Variants in LDLRAD4 observed in about 807,000 individuals in gnomAD.
LDLRAD4 encodes the protein low-density lipoprotein receptor class A domain-containing protein 4.
Under a neutral mutation model 17.0 loss-of-function variants are expected in LDLRAD4, and 5 were observed. The observed-to-expected ratio is 0.29, with a 90% CI of 0.15 to 0.62. The LOEUF (loss-of-function observed/expected upper bound fraction) is 0.62, where lower values mean the gene tolerates loss of function less well. Ranked by LOEUF, LDLRAD4 falls within the 20% of genes least tolerant of loss-of-function variation. The pLI is 0.84. For synonymous variants in LDLRAD4, 168 were observed against 171.8 expected, an observed-to-expected ratio of 0.98 and a Z score of 0.17; for missense variants, 340 against 424.7, an observed-to-expected ratio of 0.80 and a Z score of 1.75.
intron 3 of LDLRAD4, among the ~76,000 whole-genome samples, chr18:13,585,762 C>T (rs1055257344): frequency 4.6e-5 from 7 of 152,062 alleles, no homozygotes; most frequent in African/African-American, 1.7e-4. Flanking sequence ...CACAAACTGG[C>T]GTTGTGTGGA....
intron 3 of LDLRAD4, chr18:13,519,993 T>C (rs1310789032): frequency 6.6e-6 from 1 of 152,226 alleles, no homozygotes; most frequent in African/African-American, 2.4e-5. Context: ...AAATATGCAC[T>C]AGCTACAGGT....
chr18:13,415,392 A>G (rs901461543), intron 2 of LDLRAD4, among the ~76,000 whole-genome samples: 4 of 151,940 alleles, frequency 2.6e-5, no homozygotes, highest in Non-Finnish European at 4.4e-5. Context: ...TCTATAGCAC[A>G]TAGTGCGCCT....
At chr18:13,620,874 T>A in intron 3 of LDLRAD4, 2 of 573,462 alleles carry the variant, frequency 3.5e-6, no homozygotes, top group Admixed American at 3.0e-5. Flanking sequence ...CGTTCTCAGC[T>A]CCCTGTGGTG....
intron 3 of LDLRAD4, among the ~76,000 whole-genome samples, chr18:13,565,319 G>A (rs2094586205): frequency 6.6e-6 from 1 of 152,238 alleles, no homozygotes; most frequent in Admixed American, 6.5e-5. Context: ...GACAGCCCCT[G>A]TGACGGGCCT....
At chr18:13,549,615 G>A (rs1294101213) in intron 3 of LDLRAD4, among the ~76,000 whole-genome samples, 1 of 151,708 alleles carries the variant, frequency 6.6e-6, no homozygotes. Context: ...TAGAAAGGCC[G>A]TGGCTACCAA....
intron 2 of LDLRAD4, among the ~76,000 whole-genome samples, chr18:13,408,404 T>C (rs557363246): frequency 1.4e-5 from 2 of 147,010 alleles, no homozygotes; most frequent in Non-Finnish European, 3.0e-5. Flanking sequence ...GTGAGAGAGA[T>C]AGAGTAGTAG....
chr18:13,612,558 C>T (rs1343456093), intron 3 of LDLRAD4: 1 of 1,443,496 alleles, frequency 6.9e-7, no homozygotes, highest in African/African-American at 1.5e-5. Flanking sequence ...CCCCCCCCCT[C>T]CACGCTCACA....
At position 13,522,626 on chromosome 18, in the gene LDLRAD4, G is replaced by C. The variant is rs562592583; in HGVS notation, c.181+84242G>C. ...AACAGTCTTTGTCCTGTGTCATCCA[G>C]GTAGAAGCTTACATGCTACAAAAAA... On this transcript the variant is annotated intron_variant, in intron 3 of 5. Transcript: ENST00000359446. 4.6e-5 allele frequency: 7 copies of C among 152,002 alleles called. No individual in the cohort carries two copies. In the East Asian group the frequency reaches 1.4e-3, roughly 29 times the overall value. The allele number at this position is 152,002 out of a possible 1,614,324, so 9.4% of individuals were successfully genotyped here.
exon 6 of LDLRAD4, chr18:13,649,709 C>T (rs2043165452): frequency 1.8e-5 from 4 of 222,046 alleles, no homozygotes; most frequent in Non-Finnish European, 3.5e-5. Context: ...GTGTACCATT[C>T]ATTTTTTAAA....
At chr18:13,224,506 G>T (rs1324940219) in intron 1 of LDLRAD4, among the ~76,000 whole-genome samples, 1 of 132,816 alleles carries the variant, frequency 7.5e-6, no homozygotes, top group African/African-American at 2.8e-5. Context: ...TTGAGACGGA[G>T]TCTCGCTCTG....
At chr18:13,616,274 A>C (rs2040071399) in intron 3 of LDLRAD4, 1 of 146,648 alleles carries the variant, frequency 6.8e-6, no homozygotes, top group African/African-American at 2.6e-5. Context: ...GTTGCCACAC[A>C]CCCCCTCGTG....
At chr18:13,438,177 G>A (rs1419400659) in intron 2 of LDLRAD4, 67 bp from the exon 4 acceptor site, 12 of 1,475,650 alleles carry the variant, frequency 8.1e-6, no homozygotes, top group Admixed American at 1.7e-5. Flanking sequence ...AAAAACCAAC[G>A]ACAGTCACAG....
At chr18:13,381,956 C>T (rs1471612000) in intron 1 of LDLRAD4, among the ~76,000 whole-genome samples, 1 of 152,356 alleles carries the variant, frequency 6.6e-6, no homozygotes, top group Non-Finnish European at 1.5e-5. Context: ...GCGTTCCTTT[C>T]TCCCTGGAAC....
Position 13,645,299 on chromosome 18 carries a change from C to T in LDLRAD4, c.563C>T (p.Thr188Ile), listed in dbSNP as rs777740641. The T allele has an allele frequency of 1.2e-6, 2 of 1,614,234 alleles. No homozygotes were observed. The highest frequency in any genetic ancestry group is 1.7e-6 in the Non-Finnish European group (2 of 1,180,038). Residue 188 changes from threonine (T) to isoleucine (I), a missense_variant, in exon 6 of 6, where the codon ACC becomes ATC. Thr to Ile is a moderately conservative substitution (Grantham distance 89). Coordinates refer to ENST00000359446, the Ensembl canonical transcript of LDLRAD4. The surrounding 1 kb of genome is among the most constrained non-coding windows in gnomAD (Gnocchi z 5.7). ...CCACCTCCTTACCAGGGGCCCTGCA[C>T]CCTGCAGCTCCGGGACCCTGAACAG... is the stretch of plus-strand genomic sequence containing the variant.
At chr18:13,262,116 G>A (rs969554119) in intron 1 of LDLRAD4, among the ~76,000 whole-genome samples, 1 of 113,202 alleles carries the variant, frequency 8.8e-6, no homozygotes, top group African/African-American at 3.2e-5. Context: ...ACTGAGTCCC[G>A]TGCAGCTCTG....
intron 3 of LDLRAD4, among the ~76,000 whole-genome samples, chr18:13,541,393 G>A: frequency 6.6e-6 from 1 of 152,212 alleles, no homozygotes; most frequent in Non-Finnish European, 1.5e-5. Flanking sequence ...ATACTGTTCA[G>A]TGGAAAACAA....
At chr18:13,611,429 T>C in intron 3 of LDLRAD4, 1 of 985,108 alleles carries the variant, frequency 1.0e-6, no homozygotes, top group Non-Finnish European at 1.2e-6. Context: ...CTCTGAAAAC[T>C]GCGACAGACT....
chr18:13,516,688 T>C (rs8092166), intron 3 of LDLRAD4, among the ~76,000 whole-genome samples: 47,987 of 152,090 alleles, frequency 0.32, 8,067 homozygotes, highest in Middle Eastern at 0.51. Flanking sequence ...ATAAATTCTG[T>C]ATAAGGTCAT....
At chr18:13,263,394 T>A (rs1324252245) in intron 1 of LDLRAD4, among the ~76,000 whole-genome samples, 1 of 152,190 alleles carries the variant, frequency 6.6e-6, no homozygotes, top group South Asian at 2.1e-4. Flanking sequence ...CTGAGTCCTG[T>A]GTGCCAGTCT....
Sources: allele counts gnomAD v4.1 joint callset (sites outside exome capture counted in the v4.1 genomes callset), GRCh38; gene constraint gnomAD v4.1.1; non-coding constraint Gnocchi (gnomAD v3.1); transcripts MANE v1.5; gene names NCBI Gene and HGNC (gene_info 2026-07-23, HGNC 2026-07-21).